The following VEGFC variants were observed in gnomAD, a reference collection of about 807,000 sequenced individuals.
VEGFC encodes FLT4 ligand DHM.
Under a neutral mutation model 46.1 loss-of-function variants are expected in VEGFC, and 12 were observed. That is an observed-to-expected ratio of 0.26 (90% CI 0.17 to 0.42). The LOEUF is 0.42. Among genes scored for constraint, VEGFC ranks in the 10% least tolerant of loss-of-function variants. VEGFC has a pLI of 1.00. For missense variants in VEGFC, 488 were observed against 529.4 expected (o/e 0.92, Z 0.77); for synonymous variants, 232 against 195.5 (o/e 1.19, Z -1.56).
At chr4:176,741,803 T>G (rs912031334) in intron 1 of VEGFC, among the ~76,000 whole-genome samples, 12 of 151,982 alleles carry the variant, frequency 7.9e-5, no homozygotes, top group Admixed American at 7.9e-4. Flanking sequence ...TGTAACCAGA[T>G]TTTGGAAGAA....
rs201450419 is a variant in VEGFC at position 176,694,888 on chromosome 4, G to A, written c.705-6961C>T. The stretch of plus-strand genomic sequence containing the variant: ...CTGCTCCTGAATGACTACTGGGTAC[G>A]TAACGAAATGAAGGCAGAAATAAAG... On this transcript the variant is annotated intron_variant, in intron 4 of 6. Transcript: ENST00000618562. Among the ~76,000 whole-genome samples, 532 of 142,664 alleles carry A rather than the reference G, an allele frequency of 3.7e-3. 4 individuals carry two copies. Among genetic ancestry groups the A allele is most frequent in the African/African-American group, 0.013 (469 of 36,010 alleles). 93.6% of individuals were successfully genotyped at this position (142,664 alleles called of 152,430 possible). A position where few individuals can be genotyped will look rare whatever the true frequency, so the allele number is the denominator to read the frequency against.
chr4:176,770,277 C>A (rs755673706), intron 1 of VEGFC, among the ~76,000 whole-genome samples: 1 of 152,156 alleles, frequency 6.6e-6, no homozygotes, highest in Non-Finnish European at 1.5e-5. Context: ...AATTAATAGG[C>A]CACATTTAAC....
chr4:176,750,671 A>T (rs1435073701), intron 1 of VEGFC, among the ~76,000 whole-genome samples: 1 of 151,858 alleles, frequency 6.6e-6, no homozygotes, highest in Non-Finnish European at 1.5e-5. Flanking sequence ...TTCTTCTCAT[A>T]GGTATACATA....
At chr4:176,740,393 TA>T (rs1412769763) in intron 1 of VEGFC, among the ~76,000 whole-genome samples, 1 of 120,456 alleles carries the variant, frequency 8.3e-6, no homozygotes, top group Non-Finnish European at 1.6e-5. Context: ...TATAACTATA[TA>T]TTTATATATA....
chr4:176,731,118 T>C (rs143009987), intron 1 of VEGFC, among the ~76,000 whole-genome samples: 1 of 152,070 alleles, frequency 6.6e-6, no homozygotes, highest in Admixed American at 6.6e-5. Flanking sequence ...TGATTCCTGA[T>C]ACACCATACA....
intron 1 of VEGFC, among the ~76,000 whole-genome samples, chr4:176,761,664 T>C (rs1259366417): frequency 6.6e-6 from 1 of 152,204 alleles, no homozygotes; most frequent in Admixed American, 6.5e-5. Context: ...TGTATGTGTC[T>C]TCTGTCTCTG....
chr4:176,690,270 G>T (rs967446851), intron 4 of VEGFC, among the ~76,000 whole-genome samples: 1 of 150,988 alleles, frequency 6.6e-6, no homozygotes, highest in African/African-American at 2.4e-5. Context: ...GTAATTATCA[G>T]AGTTAAGACT....
rs148434390 is a variant in VEGFC at position 176,762,494 on chromosome 4, G to A, written c.147+29671C>T. On this transcript the variant is annotated intron_variant, in intron 1 of 6. Transcript: ENST00000618562. The stretch of plus-strand genomic sequence containing the variant: ...ACCTGCCAGCAACTTGATCTTGAAC[G>A]TTTCAATCTCTAGAACTGTGAAAAC... 7.2e-5 allele frequency among the ~76,000 whole-genome samples: 11 copies of A among 152,248 alleles called. No homozygotes were observed. The East Asian group carries it at 1.2e-3, about 16-fold the overall frequency.
Position 176,711,590 on chromosome 4 carries a change from T to C in VEGFC, c.613A>G (p.Asn205Asp), listed in dbSNP as rs1283198221. Residue 205 changes from asparagine (N) to aspartate (D), a missense_variant, in exon 4 of 7, where the codon AAT becomes GAT. Physicochemically the swap from Asn to Asp is conservative, Grantham distance 23 (BLOSUM62 1). Coordinates refer to ENST00000618562, the MANE Select transcript of VEGFC (RefSeq NM_005429.5). Reference sequence around the variant, plus strand: ...GACATGCATCGGCAGGAAGTGTGATTGGCAAAACTGATTGTTACTGGTTTG... The same window carrying C: ...GACATGCATCGGCAGGAAGTGTGATCGGCAAAACTGATTGTTACTGGTTTG... ...GPKPVTISFA[N>D]HTSCRCMSKL... 6.2e-7 allele frequency: 1 copy of C among 1,613,816 alleles called. No homozygotes were observed. Among genetic ancestry groups the C allele is most frequent in the South Asian group, 1.1e-5 (1 of 91,052 alleles).
chr4:176,738,607 T>C (rs1159071394), intron 1 of VEGFC, among the ~76,000 whole-genome samples: 1 of 151,920 alleles, frequency 6.6e-6, no homozygotes, highest in Non-Finnish European at 1.5e-5. Flanking sequence ...TCCTAGAAGA[T>C]AATCTAGGCA....
At position 176,792,008 on chromosome 4, in the gene VEGFC, G is replaced by C. The variant is rs1736102469; in HGVS notation, c.147+157C>G. Among the ~76,000 whole-genome samples, 1 of 151,910 alleles carries C rather than the reference G, an allele frequency of 6.6e-6. No individual in the cohort carries two copies. Among genetic ancestry groups the C allele is most frequent in the Non-Finnish European group, 1.5e-5 (1 of 67,932 alleles). On this transcript the variant is annotated intron_variant, in intron 1 of 6. Coordinates refer to ENST00000618562, the MANE Select transcript of VEGFC (RefSeq NM_005429.5). The surrounding 1 kb of genome is among the most constrained non-coding windows in gnomAD (Gnocchi z 6.3). ...ACAACTTTCTATTTAAAAAGAAGAA[G>C]ATTTTTCTCCAAAGCAGCGTGCACT...
At chr4:176,692,415 C>A (rs542504878) in intron 4 of VEGFC, among the ~76,000 whole-genome samples, 3,234 of 123,014 alleles carry the variant, frequency 0.026, 671 homozygotes, top group African/African-American at 0.1. Flanking sequence ...AACAAACAAA[C>A]AAAAAAAAAA....
At chr4:176,730,216 C>G (rs1734941146) in intron 1 of VEGFC, among the ~76,000 whole-genome samples, 2 of 152,054 alleles carry the variant, frequency 1.3e-5, no homozygotes, top group South Asian at 4.1e-4. Context: ...TATTTTAGAA[C>G]AAATAATCAT....
At chr4:176,790,872 G>A (rs1736078526) in intron 1 of VEGFC, among the ~76,000 whole-genome samples, 2 of 152,138 alleles carry the variant, frequency 1.3e-5, no homozygotes, top group South Asian at 4.1e-4. Context: ...TGTAAGTATA[G>A]GCACTGAAAA....
intron 1 of VEGFC, among the ~76,000 whole-genome samples, chr4:176,764,352 T>G (rs1735580445): frequency 6.6e-6 from 1 of 152,160 alleles, no homozygotes; most frequent in Non-Finnish European, 1.5e-5. Flanking sequence ...ACATTAAAGT[T>G]TGGGCCTTTA....
At chr4:176,734,338 T>C (rs905677129) in intron 1 of VEGFC, among the ~76,000 whole-genome samples, 1 of 151,968 alleles carries the variant, frequency 6.6e-6, no homozygotes, top group Admixed American at 6.6e-5. Flanking sequence ...TATATTATTA[T>C]CTGTAATTTT....
At chr4:176,726,305 C>T (rs1383536649) in intron 3 of VEGFC, among the ~76,000 whole-genome samples, 1 of 152,126 alleles carries the variant, frequency 6.6e-6, no homozygotes, top group Admixed American at 6.6e-5. Context: ...ACGACCCCTA[C>T]ATTATTTTGC....
chr4:176,766,211 A>G (rs1257158899), intron 1 of VEGFC, among the ~76,000 whole-genome samples: 2 of 152,188 alleles, frequency 1.3e-5, no homozygotes, highest in African/African-American at 4.8e-5. Flanking sequence ...CCCCAAATCA[A>G]TTTTTAGATT....
At chr4:176,741,079 T>C (rs1248316351) in intron 1 of VEGFC, among the ~76,000 whole-genome samples, 1 of 152,002 alleles carries the variant, frequency 6.6e-6, no homozygotes, top group Non-Finnish European at 1.5e-5. Context: ...ATATCTCTTA[T>C]GTATTGTTTG....
Sources: allele counts gnomAD v4.1 joint callset (sites outside exome capture counted in the v4.1 genomes callset), GRCh38; gene constraint gnomAD v4.1.1; non-coding constraint Gnocchi (gnomAD v3.1); transcripts MANE v1.5; gene names NCBI Gene and HGNC (gene_info 2026-07-23, HGNC 2026-07-21).